The following HOOK3 variants were observed in gnomAD, a reference collection of about 807,000 sequenced individuals.
HOOK3 encodes the protein protein Hook homolog 3.
HOOK3 carries 24 observed loss-of-function variants against 116.3 expected under a neutral mutation model. That is an observed-to-expected ratio of 0.21 (90% CI 0.15 to 0.29). HOOK3 has a LOEUF of 0.29. Ranked by LOEUF, HOOK3 falls within the 10% of genes least tolerant of loss-of-function variation. HOOK3 has a pLI of 1.00. For synonymous variants in HOOK3, 275 were observed against 283.0 expected (o/e 0.97, Z 0.28); for missense variants, 632 against 830.2 (o/e 0.76, Z 2.93).
intron 4 of HOOK3, among the ~76,000 whole-genome samples, chr8:42,942,060 A>T (rs1449063749): frequency 6.6e-6 from 1 of 151,986 alleles, no homozygotes; most frequent in Non-Finnish European, 1.5e-5. Context: ...GGAGTTTGAG[A>T]CCAGCCTGAC....
intron 1 of HOOK3, among the ~76,000 whole-genome samples, chr8:42,905,561 T>C (rs1807289143): frequency 6.6e-6 from 1 of 152,052 alleles, no homozygotes; most frequent in Admixed American, 6.6e-5. Flanking sequence ...AGTCAGTCAC[T>C]GGTAGAGGGG....
At chr8:42,995,374 T>G (rs1049976082) in intron 15 of HOOK3, among the ~76,000 whole-genome samples, 3 of 152,178 alleles carry the variant, frequency 2.0e-5, no homozygotes, top group Non-Finnish European at 4.4e-5. Context: ...TCAAGACTTT[T>G]ATCTTTCCTC....
At chr8:42,990,866 C>T (rs1435038013) in intron 15 of HOOK3, among the ~76,000 whole-genome samples, 1 of 152,146 alleles carries the variant, frequency 6.6e-6, no homozygotes, top group African/African-American at 2.4e-5. Context: ...GTTCCTTGGG[C>T]TTATGGAGTA....
At position 43,020,190 on chromosome 8, in the gene HOOK3, A is replaced by G. The variant is rs557698702; in HGVS notation, c.*1692A>G. On this transcript the variant is annotated 3_prime_UTR_variant, in exon 22 of 22. Coordinates refer to ENST00000307602, the MANE Select transcript of HOOK3 (RefSeq NM_032410.4). ...GCCATACATTGTGCTAATTTTTTAC[A>G]TTAAGTACAGAAGTCTGAGCACAGC... 4 of 199,214 alleles carry G rather than the reference A, an allele frequency of 2.0e-5. No homozygotes were observed. The East Asian group carries it at 3.1e-4, about 16-fold the overall frequency. 12.3% of individuals were successfully genotyped at this position (199,214 alleles called of 1,614,324 possible).
chr8:42,938,865 A>T (rs147174889), intron 4 of HOOK3, among the ~76,000 whole-genome samples: 11,616 of 152,078 alleles, frequency 0.076, 1,062 homozygotes, highest in African/African-American at 0.22. Context: ...ACCCTGCTGC[A>T]TTCCGCAGTG....
chr8:42,939,918 A>T (rs1031171208), intron 4 of HOOK3, among the ~76,000 whole-genome samples: 3 of 147,300 alleles, frequency 2.0e-5, no homozygotes, highest in Non-Finnish European at 4.5e-5. Flanking sequence ...CACTTCCTAG[A>T]TGGGATGGCG....
At chr8:42,974,285 C>T (rs1422282216) in intron 13 of HOOK3, 91 bp downstream of exon 13, 11 of 933,634 alleles carry the variant, frequency 1.2e-5, no homozygotes, top group Non-Finnish European at 1.9e-5. Flanking sequence ...AGTGCAATGG[C>T]ACTGTCTTGG....
intron 4 of HOOK3, among the ~76,000 whole-genome samples, chr8:42,931,600 T>G (rs1807874660): frequency 6.7e-6 from 1 of 149,168 alleles, no homozygotes; most frequent in African/African-American, 2.5e-5. Context: ...CCCGGCTAAT[T>G]TTTTTGTATT....
At chr8:42,961,427 T>C (rs946031779) in intron 8 of HOOK3, among the ~76,000 whole-genome samples, 1 of 152,296 alleles carries the variant, frequency 6.6e-6, no homozygotes, top group Non-Finnish European at 1.5e-5. Flanking sequence ...TAGCACATAG[T>C]AGGTGAGTGA....
chr8:42,942,646 C>T (rs1808149998), intron 4 of HOOK3, among the ~76,000 whole-genome samples: 1 of 152,050 alleles, frequency 6.6e-6, no homozygotes, highest in Non-Finnish European at 1.5e-5. Context: ...ATTGTTTTTG[C>T]CTATTTTTAA....
At chr8:42,941,603 C>T (rs1417560251) in intron 4 of HOOK3, among the ~76,000 whole-genome samples, 2 of 151,382 alleles carry the variant, frequency 1.3e-5, no homozygotes, top group Non-Finnish European at 2.9e-5. Flanking sequence ...ATTGATTTTC[C>T]TATTCAAGGA....
chr8:42,950,663 T>A (rs1474809516), intron 6 of HOOK3, among the ~76,000 whole-genome samples: 1 of 152,214 alleles, frequency 6.6e-6, no homozygotes, highest in Non-Finnish European at 1.5e-5. Flanking sequence ...ACATTTATTT[T>A]GCAGGTATAG....
intron 2 of HOOK3, among the ~76,000 whole-genome samples, chr8:42,908,974 A>T (rs899298296): frequency 6.6e-6 from 1 of 152,248 alleles, no homozygotes; most frequent in Non-Finnish European, 1.5e-5. Context: ...AAGAGAACAG[A>T]TAACTGAATT....
intron 8 of HOOK3, among the ~76,000 whole-genome samples, chr8:42,959,762 A>C (rs1808504089): frequency 1.3e-5 from 2 of 151,840 alleles, no homozygotes; most frequent in African/African-American, 4.8e-5. Flanking sequence ...GCATAATTAA[A>C]GGTAAAGTTG....
At chr8:42,978,291 G>A (rs1362191647) in intron 13 of HOOK3, among the ~76,000 whole-genome samples, 2 of 152,108 alleles carry the variant, frequency 1.3e-5, no homozygotes, top group Non-Finnish European at 2.9e-5. Context: ...CACTCAGGCT[G>A]GAGTGCAATG....
intron 3 of HOOK3, 150 bp downstream of exon 3, chr8:42,925,779 A>G (rs533217726): frequency 1.7e-6 from 1 of 586,012 alleles, no homozygotes; most frequent in African/African-American, 1.9e-5. Flanking sequence ...ACTCACCTGG[A>G]GTTGTACACC....
chr8:42,988,366 C>T (rs537074753), intron 15 of HOOK3, among the ~76,000 whole-genome samples: 10 of 152,136 alleles, frequency 6.6e-5, no homozygotes, highest in Non-Finnish European at 1.3e-4. Context: ...TCTCTCCCTA[C>T]CCTAGTATTT....
chr8:42,921,790 AT>A (rs1377601375), intron 2 of HOOK3, among the ~76,000 whole-genome samples: 3 of 152,208 alleles, frequency 2.0e-5, no homozygotes, highest in Non-Finnish European at 2.9e-5. Flanking sequence ...ACCTGCAGCC[AT>A]TTTTAGTGTT....
At chr8:42,959,552 CTACTAAAA>C (rs1808498196) in intron 8 of HOOK3, among the ~76,000 whole-genome samples, 5 of 151,702 alleles carry the variant, frequency 3.3e-5, no homozygotes, top group Admixed American at 3.3e-4. Flanking sequence ...AACCCCATCT[CTACTAAAA>C]TACAAAAAAT....
Sources: gnomAD v4.1 joint callset for allele counts (sites outside exome capture counted in the v4.1 genomes callset) on GRCh38, gnomAD v4.1.1 for gene constraint, MANE v1.5 for transcripts, NCBI Gene and HGNC (gene_info 2026-07-23, HGNC 2026-07-21) for gene names.